The following ITGA7 variants were observed in gnomAD, a reference collection of about 807,000 sequenced individuals.
ITGA7 encodes integrin subunit alpha 7, also known as integrin alpha-7.
In ITGA7, 84 loss-of-function variants were observed where a neutral mutation model predicts 131.6. The ratio of observed to expected loss-of-function variants is 0.64; its 90% CI spans 0.54 to 0.77. The LOEUF (loss-of-function observed/expected upper bound fraction) is 0.77. Ranked by LOEUF, ITGA7 falls within the 30% of genes least tolerant of loss-of-function variation. ITGA7 has a pLI of 0.00. For missense variants in ITGA7, 1,399 were observed against 1,482.9 expected (o/e 0.94, Z 0.93); for synonymous variants, 548 against 600.7 (o/e 0.91, Z 1.28).
Position 55,699,989 on chromosome 12 carries a change from C to G in ITGA7, c.671G>C (p.Gly224Ala), listed in dbSNP as rs537950420. The G allele has an allele frequency of 5.4e-5, 87 of 1,613,946 alleles. 3 individuals are homozygous for G. The Admixed American group carries it at 1.1e-3, about 20-fold the overall frequency. ...FGAPGTYNWK[G>A]LLFVTNIDSS... ...ATCAATGTTGGTCACAAAAAGCAAC[C>G]CTGTGGGGGGTGGGGTGAGACACCA... The change falls in exon 5 of 25, where the codon GGG becomes GCG. Residue 224 changes from glycine to alanine, a missense_variant and splice_region_variant. Physicochemically the swap from Gly to Ala is moderately conservative, Grantham distance 60. Coordinates refer to ENST00000257879, the MANE Select transcript of ITGA7 (RefSeq NM_002206.3).
rs1479084884 is a variant in ITGA7 at position 55,696,446 on chromosome 12, G to A, written c.1738-14C>T. 1 of 1,590,744 alleles carries A rather than the reference G, an allele frequency of 6.3e-7. No homozygotes were observed. Among genetic ancestry groups the A allele is most frequent in the Admixed American group, 1.7e-5 (1 of 57,312 alleles). ...TTTGACATTTTCCTAGGAAGAGGAA[G>A]GTCTATTCCTCACTGGAACAATCCC... On this transcript the variant is annotated splice_polypyrimidine_tract_variant and intron_variant, in intron 12 of 24. Coordinates refer to ENST00000257879, the MANE Select transcript of ITGA7 (RefSeq NM_002206.3).
chr12:55,716,387 G>C, upstream of ITGA7: 1 of 1,420,806 alleles, frequency 7.0e-7, no homozygotes, highest in Non-Finnish European at 9.1e-7. Flanking sequence ...CCGGTCCCTT[G>C]GGCAATACTC....
In ITGA7 at chr12:55,707,694, T is replaced by C; in HGVS notation, c.-12A>G. The C allele has an allele frequency of 6.4e-7, 1 of 1,562,124 alleles. No individual in the cohort carries two copies. The highest frequency in any genetic ancestry group is 8.7e-7 in the Non-Finnish European group (1 of 1,152,956). On this transcript the variant is annotated 5_prime_UTR_variant, in exon 1 of 25. Transcript: ENST00000257879. Reference sequence around the variant, plus strand: ...CGAGCCCCGGCCATGGGACGATCCCTGCGCGAGCTCCCAGCGAATGCAAGG... The same window carrying C: ...CGAGCCCCGGCCATGGGACGATCCCCGCGCGAGCTCCCAGCGAATGCAAGG...
chr12:55,704,071 G>A (rs1375986182), intron 1 of ITGA7, among the ~76,000 whole-genome samples: 1 of 152,222 alleles, frequency 6.6e-6, no homozygotes, highest in Non-Finnish European at 1.5e-5. Context: ...GAACCCCCAA[G>A]CCAGAGTGAA....
chr12:55,686,549 T>A lies in ITGA7; in HGVS notation c.3184-1261A>T, dbSNP rs367835081. On this transcript the variant is annotated intron_variant, in intron 24 of 24. Coordinates refer to ENST00000257879, the MANE Select transcript of ITGA7 (RefSeq NM_002206.3). Reference sequence around the variant, plus strand: ...TCACACTTGCCAAAGGGTGGCTCAGTCTCTGATTGGTCCCAAAGAGCAGGC... The same window carrying A: ...TCACACTTGCCAAAGGGTGGCTCAGACTCTGATTGGTCCCAAAGAGCAGGC... Among the ~76,000 whole-genome samples, 45 of 152,260 alleles carry A rather than the reference T, an allele frequency of 3.0e-4. No individual in the cohort carries two copies. The East Asian group carries it at 4.4e-3, about 15-fold the overall frequency.
Position 55,685,156 on chromosome 12 carries a change from T to C in ITGA7, c.3316A>G (p.Ser1106Gly), listed in dbSNP as rs911903536. ...TGTILRNNWGSPRREGPDAHP... is the reference protein window; with the variant it reads ...TGTILRNNWGGPRREGPDAHP... ...GCATCCGGGCCCTCCCGCCGGGGGC[T>C]GCCCCAGTTGTTCCTCAGGATGGTG... Residue 1106 changes from serine (S) to glycine (G), a missense_variant, in exon 25 of 25, where the codon AGC becomes GGC. Transcript: ENST00000257879. 5.6e-6 allele frequency: 9 copies of C among 1,613,936 alleles called. No homozygotes were observed. The highest frequency in any genetic ancestry group is 1.6e-4 in the Middle Eastern group (1 of 6,084).
chr12:55,688,637 C>T (rs1047561660), intron 22 of ITGA7, among the ~76,000 whole-genome samples: 9 of 151,604 alleles, frequency 5.9e-5, no homozygotes, highest in Admixed American at 4.6e-4. Flanking sequence ...GCAGGAGAAC[C>T]TCTTGAACCT....
At chr12:55,713,134 C>G (rs1266192832), upstream of ITGA7, among the ~76,000 whole-genome samples, 1 of 152,074 alleles carries the variant, frequency 6.6e-6, no homozygotes, top group Non-Finnish European at 1.5e-5. Flanking sequence ...CCCCACAGCT[C>G]TGGAGGTGAG....
rs1873238811 is a variant in ITGA7 at position 55,698,752 on chromosome 12, C to T, written c.956G>A (p.Gly319Asp). 1.2e-6 allele frequency: 2 copies of T among 1,614,020 alleles called. No homozygotes were observed. The highest frequency in any genetic ancestry group is 1.6e-4 in the Middle Eastern group (1 of 6,084). The change falls in exon 6 of 25, where the codon GGC becomes GAC. Residue 319 changes from glycine to aspartate, a missense_variant. Physicochemically the swap from Gly to Asp is moderately conservative, Grantham distance 94. Coordinates refer to ENST00000257879, the MANE Select transcript of ITGA7 (RefSeq NM_002206.3). ...AGCCACAGCCAGTGAGTAGCCAAAG[C>T]CGGAGGTCAGGCGCTCCCCAGACAG... is the stretch of plus-strand genomic sequence containing the variant. ...VMLSGERLTS[G>D]FGYSLAVADL...
chr12:55,696,256 CT>C, intron 13 of ITGA7, 26 bp downstream of exon 13: 1 of 1,553,764 alleles, frequency 6.4e-7, no homozygotes. Flanking sequence ...GCTCCTCCCC[CT>C]GGGCTAAACC....
At chr12:55,690,885 C>T (rs1487482996) in intron 21 of ITGA7, among the ~76,000 whole-genome samples, 2 of 151,942 alleles carry the variant, frequency 1.3e-5, no homozygotes, top group Admixed American at 6.6e-5. Flanking sequence ...AACCAAACAC[C>T]GCATATTCTC....
chr12:55,697,983 G>A lies in ITGA7; in HGVS notation c.1236C>T (p.Phe412=), dbSNP rs368739986. 4 of 1,614,112 alleles carry A rather than the reference G, an allele frequency of 2.5e-6. No individual in the cohort carries two copies. The highest frequency in any genetic ancestry group is 3.4e-6 in the Non-Finnish European group (4 of 1,180,024). ...CCCCCAGGCTGCTCCCATGGTAGATGAAGACTTTCCCATCACCATCAAAGG... is the reference window on the plus strand; with the variant it reads ...CCCCCAGGCTGCTCCCATGGTAGATAAAGACTTTCCCATCACCATCAAAGG... ...GAPFDGDGKV[F]IYHGSSLGVV... Residue 412 remains phenylalanine (F), a synonymous_variant, in exon 8 of 25, where the codon TTC becomes TTT. Coordinates refer to ENST00000257879, the MANE Select transcript of ITGA7 (RefSeq NM_002206.3).
In ITGA7 at chr12:55,698,855, C is replaced by G. The variant is rs2136037242; in HGVS notation, c.853G>C (p.Ala285Pro). The G allele has an allele frequency of 3.7e-6, 6 of 1,613,820 alleles. No individual in the cohort carries two copies. The highest frequency in any genetic ancestry group is 4.2e-6 in the Non-Finnish European group (5 of 1,179,956). ...RAEELSFVAG[A>P]PRANHKGAVV... Reference sequence around the variant, plus strand: ...GCACCCTTGTGGTTGGCGCGGGGGGCTCCAGCCACAAAGCTCAGCTCTTCT... The same window carrying G: ...GCACCCTTGTGGTTGGCGCGGGGGGGTCCAGCCACAAAGCTCAGCTCTTCT... Residue 285 changes from alanine to proline, a missense_variant, in exon 6 of 25, where the codon GCC becomes CCC. Ala to Pro is a conservative substitution (Grantham distance 27). Coordinates refer to ENST00000257879, the MANE Select transcript of ITGA7 (RefSeq NM_002206.3).
upstream of ITGA7, among the ~76,000 whole-genome samples, chr12:55,710,983 C>T (rs1876057246): frequency 2.0e-5 from 3 of 151,950 alleles, no homozygotes; most frequent in Admixed American, 6.6e-5. Context: ...TATAAAACTG[C>T]ACAGAACTAC....
At chr12:55,712,374 C>T (rs141304252), upstream of ITGA7, 3 of 785,020 alleles carry the variant, frequency 3.8e-6, no homozygotes, top group East Asian at 8.0e-5. Context: ...CCAGCCAGAT[C>T]TCCCAGTATG....
chr12:55,693,298 G>C lies in ITGA7; in HGVS notation c.2555C>G (p.Ser852Trp). The change falls in exon 20 of 25, where the codon TCG becomes TGG. Residue 852 changes from serine (S) to tryptophan (W), a missense_variant. Transcript: ENST00000257879. ...GAAGGCAGAGCCCAGGGTTCTGAGCGACTGGCCTTGGTTGGAAACCTGTGG... is the reference window on the plus strand; with the variant it reads ...GAAGGCAGAGCCCAGGGTTCTGAGCCACTGGCCTTGGTTGGAAACCTGTGG... ...YEVTVSNQGQ[S>W]LRTLGSAFLN... 6.2e-7 allele frequency: 1 copy of C among 1,614,010 alleles called. No individual in the cohort carries two copies. The highest frequency in any genetic ancestry group is 8.5e-7 in the Non-Finnish European group (1 of 1,179,990).
Position 55,698,843 on chromosome 12 carries a change from T to C in ITGA7, c.865A>G (p.Asn289Asp). ...LSFVAGAPRA[N>D]HKGAVVILRK... Reference sequence around the variant, plus strand: ...AGGATGACCACAGCACCCTTGTGGTTGGCGCGGGGGGCTCCAGCCACAAAG... The same window carrying C: ...AGGATGACCACAGCACCCTTGTGGTCGGCGCGGGGGGCTCCAGCCACAAAG... The change falls in exon 6 of 25, where the codon AAC becomes GAC. Residue 289 changes from asparagine to aspartate, a missense_variant. By Grantham distance (23) the Asn-to-Asp change is conservative. Coordinates refer to ENST00000257879, the MANE Select transcript of ITGA7 (RefSeq NM_002206.3). The C allele has an allele frequency of 1.2e-6, 2 of 1,613,668 alleles. No individual in the cohort carries two copies. Among genetic ancestry groups the C allele is most frequent in the South Asian group, 1.1e-5 (1 of 91,080 alleles).
intron 4 of ITGA7, 42 bp downstream of exon 4, chr12:55,700,857 G>A (rs913789315): frequency 6.2e-7 from 1 of 1,613,794 alleles, no homozygotes; most frequent in Non-Finnish European, 8.5e-7. Flanking sequence ...GAGGTAAGAG[G>A]AGGTTTTGGT....
chr12:55,712,429 C>G, upstream of ITGA7: 1 of 627,398 alleles, frequency 1.6e-6, no homozygotes, highest in Non-Finnish European at 2.9e-6. Context: ...AGCCCTCATC[C>G]AACCCCTAAC....
Sources: gnomAD v4.1 joint callset for allele counts (sites outside exome capture counted in the v4.1 genomes callset) on GRCh38, gnomAD v4.1.1 for gene constraint, MANE v1.5 for transcripts, NCBI Gene and HGNC (gene_info 2026-07-23, HGNC 2026-07-21) for gene names.